DLGAP1: variants seen among roughly 807,000 people sequenced by gnomAD.
The protein encoded by DLGAP1 is disks large-associated protein 1.
In DLGAP1, 11 loss-of-function variants were observed where a neutral mutation model predicts 90.8. The ratio of observed to expected loss-of-function variants is 0.12; its 90% CI spans 0.08 to 0.20. The LOEUF (loss-of-function observed/expected upper bound fraction) is 0.20, where lower values mean the gene tolerates loss of function less well. Ranked by LOEUF, DLGAP1 falls within the 10% of genes least tolerant of loss-of-function variation. DLGAP1 has a pLI of 1.00. For synonymous variants in DLGAP1, 558 were observed against 540.7 expected (o/e 1.03, Z -0.44); for missense variants, 1,050 against 1,333.8 (o/e 0.79, Z 3.31).
At chr18:3,777,189 A>G (rs961342722) in intron 5 of DLGAP1, among the ~76,000 whole-genome samples, 6 of 152,210 alleles carry the variant, frequency 3.9e-5, no homozygotes, top group African/African-American at 1.2e-4. Flanking sequence ...CATTTAAACA[A>G]TAGTTCAGTT....
chr18:4,352,613 T>C (rs1001618610), intron 1 of DLGAP1, among the ~76,000 whole-genome samples: 5 of 152,084 alleles, frequency 3.3e-5, no homozygotes, highest in Non-Finnish European at 7.4e-5. Context: ...AGTCAAACAA[T>C]CTCTCACCCA....
At chr18:3,725,351 C>T (rs2062129531) in intron 7 of DLGAP1, among the ~76,000 whole-genome samples, 1 of 152,200 alleles carries the variant, frequency 6.6e-6, no homozygotes, top group Non-Finnish European at 1.5e-5. Context: ...AAAACAAAAA[C>T]TTCCCCTTAA....
chr18:4,085,407 C>T lies in DLGAP1; in HGVS notation c.-159+65773G>A, dbSNP rs1598374431. On this transcript the variant is annotated intron_variant, in intron 2 of 12. Coordinates refer to ENST00000315677, the MANE Select transcript of DLGAP1 (RefSeq NM_004746.4). ...AAACCTGCTTAAGTTTTCAGCAAAA[C>T]CTGCTTAAGTCAGAAGTTTGTTACC... 5.3e-5 allele frequency among the ~76,000 whole-genome samples: 8 copies of T among 152,162 alleles called. No homozygotes were observed. The South Asian group carries it at 1.7e-3, about 32-fold the overall frequency.
In DLGAP1 at chr18:4,223,235, A is replaced by G. The variant is rs146054412; in HGVS notation, c.-266-71948T>C. 6.3e-3 allele frequency among the ~76,000 whole-genome samples: 954 copies of G among 152,316 alleles called. 8 individuals carry two copies. Among genetic ancestry groups the G allele is most frequent in the African/African-American group, 0.021 (888 of 41,576 alleles). Reference sequence around the variant, plus strand: ...TTAAATTAATATTTAATAAACATATAAAAATACATTTTCTTATCTCCAGCT... The same window carrying G: ...TTAAATTAATATTTAATAAACATATGAAAATACATTTTCTTATCTCCAGCT... On this transcript the variant is annotated intron_variant, in intron 1 of 12. Coordinates refer to ENST00000315677, the MANE Select transcript of DLGAP1 (RefSeq NM_004746.4).
At position 4,382,950 on chromosome 18, in the gene DLGAP1, C is replaced by A. The variant is rs909537398; in HGVS notation, c.-267+72056G>T. 7.2e-5 allele frequency among the ~76,000 whole-genome samples: 11 copies of A among 152,124 alleles called. 1 individual carries two copies. Among genetic ancestry groups the A allele is most frequent in the Non-Finnish European group, 1.6e-4 (11 of 68,020 alleles). ...CTTGAAAGCCAGGGCAACTAAGAAC[C>A]TTGGAAACCAAAGAATGTATATAGG... On this transcript the variant is annotated intron_variant, in intron 1 of 12. Transcript: ENST00000315677.
intron 4 of DLGAP1, among the ~76,000 whole-genome samples, chr18:3,836,302 T>C (rs1185488322): frequency 6.6e-6 from 1 of 152,168 alleles, no homozygotes; most frequent in Non-Finnish European, 1.5e-5. Context: ...ATCTTACTGA[T>C]TTTATTTATT....
chr18:4,034,556 TAGCATTAC>T (rs2074857411), intron 2 of DLGAP1, among the ~76,000 whole-genome samples: 1 of 152,160 alleles, frequency 6.6e-6, no homozygotes, highest in Non-Finnish European at 1.5e-5. Context: ...AAAAGATCTC[TAGCATTAC>T]AGATTTTATA....
At chr18:3,546,721 A>C (rs2053046188) in intron 9 of DLGAP1, among the ~76,000 whole-genome samples, 1 of 152,092 alleles carries the variant, frequency 6.6e-6, no homozygotes, top group East Asian at 1.9e-4. Context: ...AATGTATCAA[A>C]ATTTGTAGGA....
intron 3 of DLGAP1, among the ~76,000 whole-genome samples, chr18:3,955,762 C>A (rs1484156401): frequency 6.6e-6 from 1 of 151,524 alleles, no homozygotes; most frequent in African/African-American, 2.4e-5. Flanking sequence ...TAAAAGACAC[C>A]CAATTGAACA....
rs1411250860 is a variant in DLGAP1 at position 3,551,710 on chromosome 18, C to T, written c.2057+15780G>A. Among the ~76,000 whole-genome samples, 7 of 31,236 alleles carry T rather than the reference C, an allele frequency of 2.2e-4. 1 individual carries two copies. Among genetic ancestry groups the T allele is most frequent in the Admixed American group, 9.3e-4 (2 of 2,140 alleles). The allele number at this position is 31,236 out of a possible 152,430, so 20.5% of individuals were successfully genotyped here. On this transcript the variant is annotated intron_variant, in intron 9 of 12. Transcript: ENST00000315677. ...TCCCTCCCTCCCTCCCTCCCTCCCT[C>T]CCTCCCTCCCTCCCTTCCTTCCTTC...
intron 2 of DLGAP1, among the ~76,000 whole-genome samples, chr18:4,078,799 G>A (rs1024019929): frequency 6.6e-6 from 1 of 152,128 alleles, no homozygotes; most frequent in Admixed American, 6.5e-5. Flanking sequence ...ATGAGTCCAT[G>A]TTTCCTTGAA....
At position 4,163,461 on chromosome 18, in the gene DLGAP1, A is replaced by G. The variant is rs553608735; in HGVS notation, c.-266-12174T>C. On this transcript the variant is annotated intron_variant, in intron 1 of 12. Coordinates refer to ENST00000315677, the MANE Select transcript of DLGAP1 (RefSeq NM_004746.4). Reference sequence around the variant, plus strand: ...GTAGCAGAGTGAGCTAATCCACACGAAAGTGTGATATGAACTGTAGAGTGC... The same window carrying G: ...GTAGCAGAGTGAGCTAATCCACACGGAAGTGTGATATGAACTGTAGAGTGC... Among the ~76,000 whole-genome samples the G allele has an allele frequency of 2.6e-5, 4 of 152,346 alleles. No homozygotes were observed. The South Asian group carries it at 8.3e-4, about 32-fold the overall frequency.
At chr18:3,873,200 TAA>T (rs775626282) in intron 4 of DLGAP1, among the ~76,000 whole-genome samples, 2 of 152,108 alleles carry the variant, frequency 1.3e-5, no homozygotes, top group African/African-American at 2.4e-5. Context: ...ATAGTGAGAA[TAA>T]AAGAGAATCA....
chr18:4,305,242 C>T (rs2080220759), intron 1 of DLGAP1, among the ~76,000 whole-genome samples: 1 of 151,326 alleles, frequency 6.6e-6, no homozygotes, highest in Non-Finnish European at 1.5e-5. Context: ...TGAACAATAA[C>T]ATGAAAAACC....
chr18:3,766,905 C>A (rs926879554), intron 5 of DLGAP1, among the ~76,000 whole-genome samples: 4 of 151,650 alleles, frequency 2.6e-5, no homozygotes, highest in African/African-American at 9.7e-5. Flanking sequence ...TCCTCATGAA[C>A]CTAAAAAAAG....
intron 2 of DLGAP1, among the ~76,000 whole-genome samples, chr18:4,014,412 G>C (rs2074485518): frequency 6.6e-6 from 1 of 152,134 alleles, no homozygotes; most frequent in Non-Finnish European, 1.5e-5. Context: ...AGTGATTTGT[G>C]GGGGTGAAGA....
At chr18:3,811,370 A>T (rs2066830877) in intron 5 of DLGAP1, among the ~76,000 whole-genome samples, 1 of 152,174 alleles carries the variant, frequency 6.6e-6, no homozygotes, top group Non-Finnish European at 1.5e-5. Context: ...AATATATGAG[A>T]TGTGCTTCCT....
At chr18:4,152,967 G>A (rs539363512) in intron 1 of DLGAP1, among the ~76,000 whole-genome samples, 23 of 152,110 alleles carry the variant, frequency 1.5e-4, no homozygotes, top group African/African-American at 4.8e-4. Flanking sequence ...TCATTTATCC[G>A]TTCATGACTA....
At chr18:4,398,273 TC>T (rs2082479284) in intron 1 of DLGAP1, among the ~76,000 whole-genome samples, 1 of 152,088 alleles carries the variant, frequency 6.6e-6, no homozygotes, top group Admixed American at 6.6e-5. Context: ...TTCCTGAAAA[TC>T]CCAATTTGTC....
Sources: allele counts gnomAD v4.1 joint callset (sites outside exome capture counted in the v4.1 genomes callset), GRCh38; gene constraint gnomAD v4.1.1; transcripts MANE v1.5; gene names NCBI Gene and HGNC (gene_info 2026-07-23, HGNC 2026-07-21).